The following SEC24A variants were observed in gnomAD, a reference collection of about 807,000 sequenced individuals.
SEC24A encodes SEC24 homolog A, COPII component, also known as protein transport protein Sec24A.
In SEC24A, 93 loss-of-function variants were observed where a neutral mutation model predicts 129.4. That is an observed-to-expected ratio of 0.72 (90% CI 0.61 to 0.85). The LOEUF (loss-of-function observed/expected upper bound fraction) is 0.85, where lower values mean the gene tolerates loss of function less well. Among genes scored for constraint, SEC24A ranks in the 40% least tolerant of loss-of-function variants. The probability of loss-of-function intolerance (pLI) is 0.00; values close to 1 mark genes in which losing one functional copy is unlikely to be tolerated. For synonymous variants in SEC24A, 460 were observed against 467.3 expected (o/e 0.98, Z 0.20); for missense variants, 1,264 against 1,307.4 (o/e 0.97, Z 0.51).
intron 18 of SEC24A, among the ~76,000 whole-genome samples, chr5:134,710,327 G>A (rs543139546): frequency 3.3e-5 from 5 of 151,208 alleles, no homozygotes; most frequent in East Asian, 3.9e-4. Context: ...CTCCTCCTGC[G>A]TTCAGGCAAT....
At chr5:134,715,507 C>G (rs1403101630) in intron 19 of SEC24A, 2 of 201,172 alleles carry the variant, frequency 9.9e-6, no homozygotes, top group Non-Finnish European at 2.0e-5. Flanking sequence ...AGCAAATATA[C>G]TAAAATTGGA....
At chr5:134,659,944 T>G (rs930377877) in intron 1 of SEC24A, among the ~76,000 whole-genome samples, 6 of 152,152 alleles carry the variant, frequency 3.9e-5, no homozygotes, top group African/African-American at 1.4e-4. Context: ...TGAGGCACCA[T>G]GCCCAGCATG....
chr5:134,682,155 A>G (rs1334008285), intron 8 of SEC24A, among the ~76,000 whole-genome samples: 1 of 152,052 alleles, frequency 6.6e-6, no homozygotes, highest in African/African-American at 2.4e-5. Flanking sequence ...AGGCAGGAGA[A>G]TCGCTTGAAC....
At position 134,674,732 on chromosome 5, in the gene SEC24A, C is replaced by G; in HGVS notation, c.935C>G (p.Pro312Arg). 6.2e-7 allele frequency: 1 copy of G among 1,613,930 alleles called. No individual in the cohort carries two copies. Among genetic ancestry groups the G allele is most frequent in the Non-Finnish European group, 8.5e-7 (1 of 1,179,898 alleles). Residue 312 changes from proline (P) to arginine (R), a missense_variant, in exon 5 of 23, where the codon CCC becomes CGC. Coordinates refer to ENST00000398844, the MANE Select transcript of SEC24A (RefSeq NM_021982.3). The part of the protein sequence containing the change: ...TTPPGATGVP[P>R]SSLNYPSGPQ... ...CCACCTGGTGCAACTGGAGTACCAC[C>G]CTCTTCCTTGAATTACCCAAGTGGG...
intron 19 of SEC24A, among the ~76,000 whole-genome samples, chr5:134,716,711 T>A (rs544764869): frequency 4.8e-5 from 7 of 145,450 alleles, no homozygotes; most frequent in Non-Finnish European, 1.0e-4. Flanking sequence ...GGCAGGAGAA[T>A]CACTTGAATC....
intron 9 of SEC24A, 74 bp downstream of exon 9, chr5:134,682,556 G>A (rs1751313053): frequency 2.8e-6 from 2 of 718,190 alleles, no homozygotes; most frequent in Admixed American, 2.6e-5. Context: ...ACAGCATCCT[G>A]TAACAAAATT....
chr5:134,651,934 C>CTTTT (rs11294954), intron 1 of SEC24A, among the ~76,000 whole-genome samples: 1 of 135,252 alleles, frequency 7.4e-6, no homozygotes. Context: ...GTTGAAAACT[C>CTTTT]TTTTTTTTTT....
chr5:134,709,008 C>G, intron 18 of SEC24A, 120 bp downstream of exon 18: 1 of 899,682 alleles, frequency 1.1e-6, no homozygotes, highest in Non-Finnish European at 1.7e-6. Context: ...GCATTTGAGA[C>G]CAGCCTGGGC....
intron 21 of SEC24A, among the ~76,000 whole-genome samples, chr5:134,722,340 G>A (rs1295869771): frequency 3.3e-5 from 5 of 151,892 alleles, no homozygotes; most frequent in African/African-American, 9.7e-5. Context: ...CGAGGTGGGC[G>A]AATGACCTGA....
intron 15 of SEC24A, among the ~76,000 whole-genome samples, chr5:134,700,631 A>G (rs907669522): frequency 6.6e-6 from 1 of 151,674 alleles, no homozygotes; most frequent in Admixed American, 6.6e-5. Context: ...TGGTCAAACC[A>G]TGAGCAAGAT....
At chr5:134,724,413 A>G (rs1046557788) in intron 22 of SEC24A, among the ~76,000 whole-genome samples, 29 of 151,984 alleles carry the variant, frequency 1.9e-4, no homozygotes, top group African/African-American at 6.3e-4. Context: ...ACATGGAGAA[A>G]CCCCGTCTCT....
intron 7 of SEC24A, among the ~76,000 whole-genome samples, chr5:134,676,640 C>T (rs1264547141): frequency 1.3e-5 from 2 of 152,008 alleles, no homozygotes; most frequent in African/African-American, 4.8e-5. Context: ...GATGGTGTTT[C>T]ACCATGTTGG....
At position 134,666,897 on chromosome 5, in the gene SEC24A, C is replaced by G; in HGVS notation, c.640C>G (p.Pro214Ala). Residue 214 changes from proline (P) to alanine (A), a missense_variant, in exon 3 of 23, where the codon CCA (proline) becomes GCA (alanine). Physicochemically the swap from Pro to Ala is conservative, Grantham distance 27. Transcript: ENST00000398844. Reference protein sequence around the residue: ...FQPGAPHGPPPAGGPPPVRAL... With the variant: ...FQPGAPHGPPAAGGPPPVRAL... The stretch of plus-strand genomic sequence containing the variant: ...ACCAGGAGCTCCTCATGGGCCCCCT[C>G]CAGCTGGAGGCCCACCCCCAGTGAG... The G allele has an allele frequency of 6.2e-7, 1 of 1,613,928 alleles. No homozygotes were observed. The highest frequency in any genetic ancestry group is 8.5e-7 in the Non-Finnish European group (1 of 1,179,842).
intron 18 of SEC24A, among the ~76,000 whole-genome samples, chr5:134,714,370 C>T (rs1030201587): frequency 6.6e-6 from 1 of 152,112 alleles, no homozygotes; most frequent in African/African-American, 2.4e-5. Context: ...GACCAGTGGG[C>T]GAGGGAGCAT....
At chr5:134,682,854 G>A (rs574401710) in intron 9 of SEC24A, among the ~76,000 whole-genome samples, 216 of 151,398 alleles carry the variant, frequency 1.4e-3, no homozygotes, top group African/African-American at 4.6e-3. Flanking sequence ...GGTGTGAGCC[G>A]CTGTGCCCAG....
chr5:134,716,362 C>T (rs918149610), intron 19 of SEC24A, among the ~76,000 whole-genome samples: 2 of 149,566 alleles, frequency 1.3e-5, no homozygotes, highest in Non-Finnish European at 3.0e-5. Flanking sequence ...CCCAGCTACT[C>T]GGGAGGCTGA....
At chr5:134,691,044 G>T (rs2150095354) in intron 11 of SEC24A, among the ~76,000 whole-genome samples, 1 of 152,028 alleles carries the variant, frequency 6.6e-6, no homozygotes, top group African/African-American at 2.4e-5. Context: ...TAAATAATGG[G>T]GTTTCACTAT....
At chr5:134,713,727 A>T (rs1752396120) in intron 18 of SEC24A, among the ~76,000 whole-genome samples, 1 of 152,074 alleles carries the variant, frequency 6.6e-6, no homozygotes, top group East Asian at 1.9e-4. Flanking sequence ...CAATTGGAAT[A>T]CTTAAAACCT....
intron 1 of SEC24A, among the ~76,000 whole-genome samples, chr5:134,653,419 A>G (rs1750132129): frequency 6.6e-6 from 1 of 152,024 alleles, no homozygotes; most frequent in South Asian, 2.1e-4. Context: ...CTGGCTAACT[A>G]AACAGTTTTT....
Sources: gnomAD v4.1 joint callset for allele counts (sites outside exome capture counted in the v4.1 genomes callset) on GRCh38, gnomAD v4.1.1 for gene constraint, MANE v1.5 for transcripts, NCBI Gene and HGNC (gene_info 2026-07-23, HGNC 2026-07-21) for gene names.